The following POF1B variants were observed in gnomAD, a reference collection of about 807,000 sequenced individuals.
POF1B encodes the protein protein POF1B.
POF1B carries 53 observed loss-of-function variants against 55.3 expected under a neutral mutation model. The observed-to-expected ratio is 0.96, with a 90% CI of 0.77 to 1.20. The LOEUF is 1.20. Among genes scored for constraint, POF1B ranks in the 50% most tolerant of loss-of-function variants. POF1B has a pLI of 0.00. For synonymous variants in POF1B, 188 were observed against 148.3 expected, an observed-to-expected ratio of 1.27 and a Z score of -1.95; for missense variants, 478 against 420.5, an observed-to-expected ratio of 1.14 and a Z score of -1.20.
At position 85,287,885 on chromosome X, in the gene POF1B, CT is replaced by C. The variant is rs200449397; in HGVS notation, c.1650-5569del. Among the ~76,000 whole-genome samples, 1,073 of 111,106 alleles carry C rather than the reference CT, an allele frequency of 9.7e-3. 5 individuals are homozygous for C. Among genetic ancestry groups the C allele is most frequent in the Middle Eastern group, 0.019 (4 of 215 alleles). On this transcript the variant is annotated intron_variant, in intron 15 of 16. Transcript: ENST00000262753. ...GATCTAGCAATATATAAAAAGGATA[CT>C]ACATTAATCCAGCACAATTTATCCC...
intron 15 of POF1B, among the ~76,000 whole-genome samples, chrX:85,286,163 TAGA>T (rs1980978409): frequency 9.0e-6 from 1 of 111,206 alleles, no homozygotes; most frequent in African/African-American, 3.3e-5. Flanking sequence ...ATAAAAATAG[TAGA>T]AGTCATATTA....
chrX:85,352,454 C>A, intron 4 of POF1B, among the ~76,000 whole-genome samples: 1 of 111,053 alleles, frequency 9.0e-6, no homozygotes. Context: ...GCAGCTGGAC[C>A]AAAACACTGA....
At chrX:85,354,108 G>C (rs1933439421) in intron 4 of POF1B, among the ~76,000 whole-genome samples, 1 of 110,759 alleles carries the variant, frequency 9.0e-6, no homozygotes, top group Admixed American at 9.7e-5. Flanking sequence ...AACCTTATTG[G>C]AGGCTCAGTT....
chrX:85,317,646 C>T (rs755854241), intron 7 of POF1B, among the ~76,000 whole-genome samples: 1 of 109,845 alleles, frequency 9.1e-6, no homozygotes, highest in East Asian at 2.9e-4. Context: ...TGTAAATTGT[C>T]AAAAAGAAGT....
chrX:85,300,339 T>C (rs897354730), intron 15 of POF1B, among the ~76,000 whole-genome samples: 3 of 111,689 alleles, frequency 2.7e-5, no homozygotes, highest in African/African-American at 9.8e-5. Context: ...TACCAGAACA[T>C]TGAAGAGGTG....
Position 85,345,942 on chromosome X carries a change from T to C in POF1B, c.641A>G (p.Gln214Arg), listed in dbSNP as rs60768249. The C allele has an allele frequency of 6.7e-3, 8,083 of 1,205,908 alleles. 344 individuals carry two copies. In the African/African-American group the frequency reaches 0.12, roughly 18 times the overall value. ...AATTGGATTATTTCCTGTGATGGCTTGGATTTGCTGGCTAGAATCAGGTTG... is the reference window on the plus strand; with the variant it reads ...AATTGGATTATTTCCTGTGATGGCTCGGATTTGCTGGCTAGAATCAGGTTG... ...WQQPDSSQQI[Q>R]AITGNNPIST... Residue 214 changes from glutamine (Q) to arginine (R), a missense_variant, in exon 6 of 17, where the codon CAA (glutamine) becomes CGA (arginine). Coordinates refer to ENST00000262753, the MANE Select transcript of POF1B (RefSeq NM_024921.4).
rs1017130044 is a variant in POF1B at position 85,364,247 on chromosome X, A to G, written c.357+3445T>C. 2.0e-4 allele frequency among the ~76,000 whole-genome samples: 22 copies of G among 111,041 alleles called. No individual in the cohort carries two copies. The Admixed American group carries it at 2.0e-3, about 10-fold the overall frequency. Reference sequence around the variant, plus strand: ...TAACTGAGGTGTTTAGTCCATTTACATTCAACTTTGGTATTGAAATGTGTG... The same window carrying G: ...TAACTGAGGTGTTTAGTCCATTTACGTTCAACTTTGGTATTGAAATGTGTG... On this transcript the variant is annotated intron_variant, in intron 3 of 16. Transcript: ENST00000262753.
intron 15 of POF1B, among the ~76,000 whole-genome samples, chrX:85,292,573 T>C (rs972310953): frequency 1.8e-5 from 2 of 111,486 alleles, no homozygotes; most frequent in African/African-American, 6.5e-5. Context: ...CCTGGCCTTT[T>C]TGTTGTTGTT....
chrX:85,346,343 A>G lies in POF1B; in HGVS notation c.541-301T>C, dbSNP rs1933271846. Among the ~76,000 whole-genome samples, 4 of 110,032 alleles carry G rather than the reference A, an allele frequency of 3.6e-5. No homozygotes were observed. The South Asian group carries it at 1.5e-3, about 42-fold the overall frequency. ...ATACTTAACACTAAAACCATAATGA[A>G]TATTAATATTAATATTACTTTGATG... On this transcript the variant is annotated intron_variant, in intron 5 of 16. Transcript: ENST00000262753.
At chrX:85,345,572 G>A (rs1933252730) in intron 6 of POF1B, among the ~76,000 whole-genome samples, 1 of 110,680 alleles carries the variant, frequency 9.0e-6, no homozygotes, top group African/African-American at 3.3e-5. Context: ...ATTTAACATT[G>A]CACAACTGTT....
At chrX:85,317,583 G>GTGTC (rs1440950659) in intron 7 of POF1B, among the ~76,000 whole-genome samples, 2 of 110,623 alleles carry the variant, frequency 1.8e-5, no homozygotes, top group Non-Finnish European at 3.8e-5. Context: ...CTTTTGAAAA[G>GTGTC]TGTCTGTTCA....
At chrX:85,293,511 C>A (rs73234679) in intron 15 of POF1B, among the ~76,000 whole-genome samples, 17 of 111,493 alleles carry the variant, frequency 1.5e-4, no homozygotes, top group Non-Finnish European at 2.8e-4. Flanking sequence ...CACACTTGGC[C>A]TTTTAGAAGG....
At chrX:85,368,235 C>T (rs1271304220) in intron 2 of POF1B, among the ~76,000 whole-genome samples, 6 of 110,832 alleles carry the variant, frequency 5.4e-5, no homozygotes, top group Admixed American at 1.9e-4. Context: ...AACCATCAAC[C>T]GAACAGTGTA....
chrX:85,350,744 C>T (rs189017852), intron 5 of POF1B, among the ~76,000 whole-genome samples: 6 of 111,081 alleles, frequency 5.4e-5, no homozygotes, highest in Admixed American at 4.8e-4. Context: ...AAATGCTCAC[C>T]ATCACTGGCC....
At chrX:85,330,651 T>A (rs999730600) in intron 7 of POF1B, among the ~76,000 whole-genome samples, 1 of 111,085 alleles carries the variant, frequency 9.0e-6, no homozygotes. Context: ...ATGAGACATT[T>A]GCTCATATCT....
chrX:85,284,327 A>C (rs1054744521), intron 15 of POF1B, among the ~76,000 whole-genome samples: 2 of 111,829 alleles, frequency 1.8e-5, no homozygotes, highest in Non-Finnish European at 3.8e-5. Flanking sequence ...TATGGAACCA[A>C]AAAAGAGCCC....
intron 7 of POF1B, among the ~76,000 whole-genome samples, chrX:85,321,242 C>A (rs1241377001): frequency 1.8e-5 from 2 of 111,206 alleles, no homozygotes; most frequent in Admixed American, 1.9e-4. Flanking sequence ...AGCTTATCCA[C>A]CATGATCAAG....
chrX:85,360,671 G>A (rs1982741217), intron 3 of POF1B, among the ~76,000 whole-genome samples: 1 of 105,988 alleles, frequency 9.4e-6, no homozygotes, highest in Admixed American at 1.0e-4. Flanking sequence ...TGTCTTTATG[G>A]TAGAATGATT....
intron 15 of POF1B, among the ~76,000 whole-genome samples, chrX:85,288,282 G>A (rs1291607545): frequency 9.0e-6 from 1 of 110,881 alleles, no homozygotes; most frequent in African/African-American, 3.3e-5. Flanking sequence ...TTGAGAAGTC[G>A]TACTCTCTTC....
Sources: allele counts gnomAD v4.1 joint callset (sites outside exome capture counted in the v4.1 genomes callset), GRCh38; gene constraint gnomAD v4.1.1; transcripts MANE v1.5; gene names NCBI Gene and HGNC (gene_info 2026-07-23, HGNC 2026-07-21).